DCC: variants seen among roughly 807,000 people sequenced by gnomAD.
DCC encodes netrin receptor DCC.
In DCC, 58 loss-of-function variants were observed where a neutral mutation model predicts 172.5. That is an observed-to-expected ratio of 0.34 (90% CI 0.27 to 0.42). The LOEUF (loss-of-function observed/expected upper bound fraction) is 0.42, where lower values mean the gene tolerates loss of function less well. Ranked by LOEUF, DCC falls within the 10% of genes least tolerant of loss-of-function variation. The pLI is 1.00. For synonymous variants in DCC, 709 were observed against 644.5 expected, an observed-to-expected ratio of 1.10 and a Z score of -1.52; for missense variants, 1,740 against 1,791.0, an observed-to-expected ratio of 0.97 and a Z score of 0.51.
intron 1 of DCC, among the ~76,000 whole-genome samples, chr18:52,489,944 G>A (rs2030420391): frequency 1.3e-5 from 2 of 152,044 alleles, no homozygotes; most frequent in African/African-American, 4.8e-5. Context: ...AACATTTATT[G>A]TGAGTAGCAT....
At chr18:52,647,679 A>G (rs956434155) in intron 1 of DCC, among the ~76,000 whole-genome samples, 1 of 152,220 alleles carries the variant, frequency 6.6e-6, no homozygotes, top group African/African-American at 2.4e-5. Flanking sequence ...ATAAACATCA[A>G]TTAAAGACTC....
intron 11 of DCC, among the ~76,000 whole-genome samples, chr18:53,211,308 A>G (rs987153356): frequency 6.6e-6 from 1 of 152,226 alleles, no homozygotes; most frequent in Non-Finnish European, 1.5e-5. Flanking sequence ...AGAGTTCACA[A>G]CAGGTAGTAA....
intron 7 of DCC, among the ~76,000 whole-genome samples, chr18:53,108,811 T>A (rs536801364): frequency 6.6e-6 from 1 of 151,706 alleles, no homozygotes; most frequent in African/African-American, 2.4e-5. Context: ...TATACCATAA[T>A]TTACTTATGC....
rs547752072 is a variant in DCC, at chr18:53,453,106, A to G, written c.3392+2444A>G. On this transcript the variant is annotated intron_variant, in intron 23 of 28. Transcript: ENST00000442544. ...AATTTCTTGAATTTTTAGTAGAGAC[A>G]GGGTTTCACCGTGTTAGCCACGATG... 2.2e-3 allele frequency among the ~76,000 whole-genome samples: 332 copies of G among 152,076 alleles called. 2 individuals are homozygous for G. Among genetic ancestry groups the G allele is most frequent in the African/African-American group, 6.3e-3 (263 of 41,508 alleles).
intron 12 of DCC, among the ~76,000 whole-genome samples, chr18:53,229,194 T>G (rs190793631): frequency 6.6e-6 from 1 of 152,118 alleles, no homozygotes; most frequent in African/African-American, 2.4e-5. Context: ...ATAAAATCTT[T>G]TAAAAACAAA....
At chr18:53,160,427 C>T (rs899519963) in intron 8 of DCC, among the ~76,000 whole-genome samples, 1 of 152,166 alleles carries the variant, frequency 6.6e-6, no homozygotes, top group East Asian at 1.9e-4. Flanking sequence ...AGCTACAGTT[C>T]CATGGCCAGT....
intron 1 of DCC, among the ~76,000 whole-genome samples, chr18:52,469,650 G>T (rs1255480881): frequency 6.6e-6 from 1 of 152,096 alleles, no homozygotes; most frequent in Non-Finnish European, 1.5e-5. Flanking sequence ...CCTGACTTAG[G>T]TTGGTATATT....
intron 1 of DCC, among the ~76,000 whole-genome samples, chr18:52,407,889 T>G (rs1986707661): frequency 6.6e-6 from 1 of 151,982 alleles, no homozygotes; most frequent in Admixed American, 6.6e-5. Context: ...TGGAAAGCAA[T>G]GAGATAATCA....
chr18:53,023,152 T>C (rs2041904964), intron 5 of DCC, among the ~76,000 whole-genome samples: 1 of 151,942 alleles, frequency 6.6e-6, no homozygotes, highest in African/African-American at 2.4e-5. Context: ...TAATTAGTAC[T>C]ACTTAACAGT....
intron 1 of DCC, among the ~76,000 whole-genome samples, chr18:52,735,520 C>A (rs998188450): frequency 1.3e-5 from 2 of 152,086 alleles, no homozygotes; most frequent in Non-Finnish European, 2.9e-5. Flanking sequence ...AGCCAGGAAG[C>A]CAGTCTGAGT....
intron 5 of DCC, among the ~76,000 whole-genome samples, chr18:53,005,583 C>A (rs1163306217): frequency 6.6e-6 from 1 of 152,078 alleles, no homozygotes; most frequent in Non-Finnish European, 1.5e-5. Flanking sequence ...AAAAAATTAG[C>A]CGGGCAAAGT....
At chr18:52,513,667 G>C (rs574682508) in intron 1 of DCC, among the ~76,000 whole-genome samples, 2 of 151,950 alleles carry the variant, frequency 1.3e-5, no homozygotes, top group Admixed American at 1.3e-4. Context: ...AGGTCTTTTG[G>C]CTCTAAAACT....
intron 2 of DCC, among the ~76,000 whole-genome samples, chr18:52,794,811 CCTT>C (rs1399136906): frequency 6.6e-6 from 1 of 151,722 alleles, no homozygotes; most frequent in African/African-American, 2.4e-5. Context: ...TTTTGAAATA[CCTT>C]CTTTTTATTG....
At chr18:53,062,014 C>T (rs1371558665) in intron 5 of DCC, among the ~76,000 whole-genome samples, 3 of 151,964 alleles carry the variant, frequency 2.0e-5, no homozygotes, top group African/African-American at 7.2e-5. Flanking sequence ...TTTCTGATAT[C>T]TTTTGGTTTA....
chr18:52,813,391 C>T (rs975174714), intron 2 of DCC, among the ~76,000 whole-genome samples: 5 of 152,210 alleles, frequency 3.3e-5, no homozygotes, highest in Non-Finnish European at 5.9e-5. Flanking sequence ...GGGAACAGTA[C>T]AGAATGGCAC....
intron 1 of DCC, among the ~76,000 whole-genome samples, chr18:52,621,479 T>C (rs1018663783): frequency 3.3e-5 from 5 of 152,182 alleles, no homozygotes; most frequent in African/African-American, 1.2e-4. Context: ...TTCCACTTAC[T>C]CATTGCACCT....
At chr18:52,659,852 G>C (rs1051131014) in intron 1 of DCC, among the ~76,000 whole-genome samples, 2 of 151,926 alleles carry the variant, frequency 1.3e-5, no homozygotes, top group African/African-American at 4.8e-5. Context: ...TGGATAACAG[G>C]AGCAGACGAG....
chr18:52,469,988 G>C (rs186854587), intron 1 of DCC, among the ~76,000 whole-genome samples: 1 of 152,326 alleles, frequency 6.6e-6, no homozygotes, highest in Admixed American at 6.5e-5. Flanking sequence ...GAAGTGCCTA[G>C]GAAGCAGAGC....
intron 9 of DCC, among the ~76,000 whole-genome samples, chr18:53,195,181 T>G (rs1381528472): frequency 2.0e-5 from 3 of 152,186 alleles, no homozygotes; most frequent in African/African-American, 7.2e-5. Context: ...ACTAAGATGT[T>G]TCAATCCTAC....
Sources: gnomAD v4.1 joint callset for allele counts (sites outside exome capture counted in the v4.1 genomes callset) on GRCh38, gnomAD v4.1.1 for gene constraint, MANE v1.5 for transcripts, NCBI Gene and HGNC (gene_info 2026-07-23, HGNC 2026-07-21) for gene names.